PDE3B: variants seen among roughly 807,000 people sequenced by gnomAD.
PDE3B encodes the protein phosphodiesterase 3B, also known as cGMP-inhibited 3',5'-cyclic phosphodiesterase 3B.
A neutral mutation model predicts 116.8 loss-of-function variants in PDE3B; 66 were observed. The ratio of observed to expected loss-of-function variants is 0.56; its 90% CI spans 0.46 to 0.69. The LOEUF (loss-of-function observed/expected upper bound fraction) is 0.69, where lower values mean the gene tolerates loss of function less well. Ranked by LOEUF, PDE3B falls within the 30% of genes least tolerant of loss-of-function variation. The pLI, the probability that PDE3B is intolerant of heterozygous loss-of-function variation, is 0.00. For missense variants in PDE3B, 1,384 were observed against 1,368.1 expected (o/e 1.01, Z -0.18); for synonymous variants, 595 against 533.6 (o/e 1.12, Z -1.59).
chr11:14,795,268 C>CA (rs1490330173), intron 4 of PDE3B, among the ~76,000 whole-genome samples: 1 of 152,148 alleles, frequency 6.6e-6, no homozygotes, highest in East Asian at 1.9e-4. Flanking sequence ...CATTAGCATA[C>CA]AAAAAGACAC....
intron 1 of PDE3B, among the ~76,000 whole-genome samples, chr11:14,725,313 T>C (rs1052170799): frequency 3.3e-4 from 22 of 67,186 alleles, no homozygotes; most frequent in Non-Finnish European, 7.2e-4. Context: ...TTCTTTCTCT[T>C]TCTTTCTTTC....
chr11:14,810,413 C>T (rs1859090414), intron 5 of PDE3B, among the ~76,000 whole-genome samples: 1 of 149,858 alleles, frequency 6.7e-6, no homozygotes, highest in East Asian at 2.0e-4. Flanking sequence ...TGAGAATATG[C>T]AGTGTTTGGT....
intron 5 of PDE3B, among the ~76,000 whole-genome samples, chr11:14,814,226 C>G (rs1326908095): frequency 1.3e-5 from 2 of 152,130 alleles, no homozygotes; most frequent in Non-Finnish European, 2.9e-5. Context: ...ACTGTAAATA[C>G]TTGTCTCCAA....
chr11:14,706,142 C>T (rs1855527670), intron 1 of PDE3B, among the ~76,000 whole-genome samples: 1 of 151,448 alleles, frequency 6.6e-6, no homozygotes, highest in Non-Finnish European at 1.5e-5. Context: ...TTTGTTTCTC[C>T]CTCCCTCCTT....
Position 14,684,354 on chromosome 11 carries a change from A to G in PDE3B, c.978+39301A>G, listed in dbSNP as rs1024398604. On this transcript the variant is annotated intron_variant, in intron 1 of 15. Transcript: ENST00000282096. ...TGCCTACCTGAGCCTTAAAGCCAGC[A>G]GGTTGTATTAAGATTTCAAAAGGAG... Among the ~76,000 whole-genome samples the G allele has an allele frequency of 1.3e-5, 2 of 152,202 alleles. 1 individual carries two copies. Among genetic ancestry groups the G allele is most frequent in the South Asian group, 4.1e-4 (2 of 4,830 alleles).
chr11:14,767,185 G>T (rs1199582783), intron 1 of PDE3B, among the ~76,000 whole-genome samples: 5 of 151,438 alleles, frequency 3.3e-5, no homozygotes, highest in Admixed American at 3.3e-4. Context: ...GAAAGATTCT[G>T]TTCATTTACC....
chr11:14,790,999 C>T (rs940533979), intron 4 of PDE3B, among the ~76,000 whole-genome samples: 3 of 152,070 alleles, frequency 2.0e-5, no homozygotes, highest in Non-Finnish European at 4.4e-5. Flanking sequence ...CTACATGTGA[C>T]TGTTAATCAT....
the PDE3B span, among the ~76,000 whole-genome samples, chr11:14,888,224 T>C: frequency 3.2e-3 from 490 of 152,354 alleles, no homozygotes; most frequent in Non-Finnish European, 5.6e-3. Flanking sequence ...TGTGTTTATA[T>C]TGTCTGTCTT....
At chr11:14,899,189 A>G in the PDE3B span, among the ~76,000 whole-genome samples, 26 of 152,266 alleles carry the variant, frequency 1.7e-4, 1 homozygote, top group East Asian at 4.8e-3. Context: ...ACCTTTCCAC[A>G]TGCTTTTTAT....
intron 5 of PDE3B, among the ~76,000 whole-genome samples, chr11:14,816,894 C>A (rs898429777): frequency 6.6e-6 from 1 of 152,178 alleles, no homozygotes; most frequent in African/African-American, 2.4e-5. Context: ...CCTCAAGGAT[C>A]TAGAACTAGA....
chr11:14,867,048 TAG>T (rs1848059407), intron 14 of PDE3B, among the ~76,000 whole-genome samples: 1 of 151,330 alleles, frequency 6.6e-6, no homozygotes, highest in African/African-American at 2.4e-5. Flanking sequence ...TTTGAATCAT[TAG>T]AGAGTTCTGC....
intron 1 of PDE3B, among the ~76,000 whole-genome samples, chr11:14,666,239 G>C (rs1854142206): frequency 6.7e-6 from 1 of 148,466 alleles, no homozygotes; most frequent in African/African-American, 2.5e-5. Context: ...TATGTAGAAA[G>C]CTGAAACTGG....
intron 11 of PDE3B, 86 bp downstream of exon 11, chr11:14,835,181 T>G (rs1395890727): frequency 2.4e-6 from 2 of 835,684 alleles, no homozygotes; most frequent in South Asian, 3.7e-5. Context: ...TTCTTTTAAG[T>G]TTTTCATTAA....
chr11:14,859,063 A>C lies in PDE3B; in HGVS notation c.2541A>C (p.Arg847Ser). 1 of 1,612,814 alleles carries C rather than the reference A, an allele frequency of 6.2e-7. No homozygotes were observed. Among genetic ancestry groups the C allele is most frequent in the Non-Finnish European group, 8.5e-7 (1 of 1,179,320 alleles). The change falls in exon 13 of 16, where the codon AGA (arginine) becomes AGC (serine). Residue 847 changes from arginine to serine, a missense_variant. Arg to Ser is a moderately radical substitution (Grantham distance 110). Transcript: ENST00000282096. The stretch of plus-strand genomic sequence containing the variant: ...TTTAGGCAGTTTTATACAATGACAG[A>C]TCTGTTCTGGAAAATCATCATGCTG... Reference protein sequence around the residue: ...NAPQAVLYNDRSVLENHHAAS... With the variant: ...NAPQAVLYNDSSVLENHHAAS...
At chr11:14,716,220 A>T (rs1222939322) in intron 1 of PDE3B, among the ~76,000 whole-genome samples, 1 of 152,214 alleles carries the variant, frequency 6.6e-6, no homozygotes, top group East Asian at 1.9e-4. Flanking sequence ...ACCAGCTTAA[A>T]AAACGGCGCA....
chr11:14,815,067 A>G (rs1850414200), intron 5 of PDE3B, among the ~76,000 whole-genome samples: 2 of 151,498 alleles, frequency 1.3e-5, no homozygotes, highest in Admixed American at 1.3e-4. Context: ...AACCCAACAG[A>G]TGGAGGCTGC....
intron 12 of PDE3B, among the ~76,000 whole-genome samples, chr11:14,858,738 A>G (rs1847893441): frequency 6.6e-6 from 1 of 152,214 alleles, no homozygotes; most frequent in Non-Finnish European, 1.5e-5. Context: ...TAGACCTCAA[A>G]GTATCAACTT....
chr11:14,645,056 A>G lies in PDE3B; in HGVS notation c.978+3A>G. 6.4e-7 allele frequency: 1 copy of G among 1,572,170 alleles called. No homozygotes were observed. The highest frequency in any genetic ancestry group is 8.6e-7 in the Non-Finnish European group (1 of 1,157,136). ...TGCCTTGTATTTCCAGAGAACAGGT[A>G]TGTTAGCTGGAAGGCGAGGTCTGGG... On this transcript the variant is annotated splice_donor_region_variant and intron_variant, in intron 1 of 15. Coordinates refer to ENST00000282096, the MANE Select transcript of PDE3B (RefSeq NM_000922.4).
chr11:14,678,847 TTTC>T (rs1854608030), intron 1 of PDE3B, among the ~76,000 whole-genome samples: 1 of 152,190 alleles, frequency 6.6e-6, no homozygotes, highest in Non-Finnish European at 1.5e-5. Flanking sequence ...ATGTATATTT[TTTC>T]TTATGTTTTC....
Sources: gnomAD v4.1 joint callset for allele counts (sites outside exome capture counted in the v4.1 genomes callset) on GRCh38, gnomAD v4.1.1 for gene constraint, MANE v1.5 for transcripts, NCBI Gene and HGNC (gene_info 2026-07-23, HGNC 2026-07-21) for gene names.